Variants in CXCL13 observed in about 807,000 individuals in gnomAD.
CXCL13 encodes C-X-C motif chemokine ligand 13, also known as C-X-C motif chemokine 13.
In CXCL13, 7 loss-of-function variants were observed where a neutral mutation model predicts 12.2. That is an observed-to-expected ratio of 0.57 (90% CI 0.33 to 1.07). The LOEUF (loss-of-function observed/expected upper bound fraction) is 1.07. Ranked by LOEUF, CXCL13 falls within the 50% of genes least tolerant of loss-of-function variation. The probability of loss-of-function intolerance (pLI) is 0.04; values close to 1 mark genes in which losing one functional copy is unlikely to be tolerated. For missense variants in CXCL13, 113 were observed against 127.4 expected, an observed-to-expected ratio of 0.89 and a Z score of 0.55; for synonymous variants, 47 against 42.4, an observed-to-expected ratio of 1.11 and a Z score of -0.42.
At chr4:77,527,332 T>C (rs1016058009) in intron 1 of CXCL13, among the ~76,000 whole-genome samples, 1 of 152,208 alleles carries the variant, frequency 6.6e-6, no homozygotes, top group African/African-American at 2.4e-5. Context: ...AAAACAGTTT[T>C]GCAGTTTCTT....
At chr4:77,597,283 A>AT (rs1288480389) in intron 1 of CXCL13, among the ~76,000 whole-genome samples, 2 of 152,040 alleles carry the variant, frequency 1.3e-5, no homozygotes, top group Non-Finnish European at 2.9e-5. Context: ...TGTAAATCAT[A>AT]TTTTTTTTAA....
At chr4:77,540,328 T>C (rs111982664) in intron 1 of CXCL13, among the ~76,000 whole-genome samples, 2 of 152,136 alleles carry the variant, frequency 1.3e-5, no homozygotes, top group African/African-American at 4.8e-5. Flanking sequence ...TATGGCATGA[T>C]GTTGAGTTTT....
intron 1 of CXCL13, among the ~76,000 whole-genome samples, chr4:77,542,781 G>T (rs1262429932): frequency 6.6e-6 from 1 of 152,134 alleles, no homozygotes; most frequent in Non-Finnish European, 1.5e-5. Flanking sequence ...TTTACTTGAG[G>T]ATTTTTGCAT....
upstream of CXCL13, among the ~76,000 whole-genome samples, chr4:77,601,414 A>C (rs959148655): frequency 1.3e-5 from 2 of 152,222 alleles, no homozygotes; most frequent in African/African-American, 4.8e-5. Context: ...TAAAAAGAAA[A>C]TGATGAAAAA....
intron 1 of CXCL13, among the ~76,000 whole-genome samples, chr4:77,530,067 C>G (rs1724867691): frequency 6.6e-6 from 1 of 152,040 alleles, no homozygotes; most frequent in Admixed American, 6.6e-5. Flanking sequence ...TTTTTATATG[C>G]TGGATTACGT....
At chr4:77,561,808 C>T (rs1355420812) in intron 1 of CXCL13, among the ~76,000 whole-genome samples, 1 of 152,218 alleles carries the variant, frequency 6.6e-6, no homozygotes, top group Non-Finnish European at 1.5e-5. Flanking sequence ...GCCCTTCAGC[C>T]CACCACTGCA....
chr4:77,533,247 C>T (rs1360862168), intron 1 of CXCL13, among the ~76,000 whole-genome samples: 3 of 152,316 alleles, frequency 2.0e-5, no homozygotes, highest in South Asian at 4.1e-4. Context: ...AGTTTTCCTT[C>T]TAACAGTCAG....
intron 1 of CXCL13, among the ~76,000 whole-genome samples, chr4:77,572,534 G>T (rs1434102839): frequency 6.6e-6 from 1 of 151,818 alleles, no homozygotes; most frequent in African/African-American, 2.4e-5. Context: ...AAACCACAAT[G>T]AGATAGCATC....
intron 1 of CXCL13, among the ~76,000 whole-genome samples, chr4:77,514,702 A>C (rs1724372091): frequency 6.6e-6 from 1 of 151,960 alleles, no homozygotes; most frequent in East Asian, 1.9e-4. Flanking sequence ...GATTCTGGAT[A>C]TTAGCCCTTT....
At chr4:77,581,775 CA>C (rs1380047361) in intron 1 of CXCL13, among the ~76,000 whole-genome samples, 3 of 152,178 alleles carry the variant, frequency 2.0e-5, no homozygotes, top group Non-Finnish European at 4.4e-5. Flanking sequence ...TCTTTCTTAT[CA>C]TAAAAATTGT....
In CXCL13 at chr4:77,540,972, A is replaced by C. The variant is rs548934453; in HGVS notation, c.-43+29184A>C. Among the ~76,000 whole-genome samples, 4 of 152,224 alleles carry C rather than the reference A, an allele frequency of 2.6e-5. No individual in the cohort carries two copies. The South Asian group carries it at 8.3e-4, about 32-fold the overall frequency. On this transcript the variant is annotated intron_variant, in intron 1 of 4. Transcript: ENST00000286758. The stretch of plus-strand genomic sequence containing the variant: ...TCTGACTGGTGTGAGATGGTATCTC[A>C]ATGTGGTTTTGATTTGCATTTCTCT...
intron 1 of CXCL13, among the ~76,000 whole-genome samples, chr4:77,526,620 G>T (rs995924046): frequency 6.6e-6 from 1 of 152,124 alleles, no homozygotes; most frequent in Non-Finnish European, 1.5e-5. Context: ...TAGCCCAGGG[G>T]CCAGGGCTTC....
chr4:77,572,540 G>A (rs1270650503), intron 1 of CXCL13, among the ~76,000 whole-genome samples: 1 of 151,760 alleles, frequency 6.6e-6, no homozygotes, highest in African/African-American at 2.4e-5. Context: ...CAATGAGATA[G>A]CATCTCACAC....
intron 1 of CXCL13, among the ~76,000 whole-genome samples, chr4:77,584,134 A>T (rs1247647830): frequency 6.6e-6 from 1 of 152,146 alleles, no homozygotes; most frequent in Non-Finnish European, 1.5e-5. Flanking sequence ...TGTAGGGCCA[A>T]AGCACAGACC....
At chr4:77,607,646 C>A in intron 1 of CXCL13, 57 bp from the exon 2 acceptor site, 1 of 1,520,270 alleles carries the variant, frequency 6.6e-7, no homozygotes. Context: ...TAATTAAATT[C>A]TAGTTATGAA....
chr4:77,523,929 C>T (rs1342006935), intron 1 of CXCL13, among the ~76,000 whole-genome samples: 1 of 151,886 alleles, frequency 6.6e-6, no homozygotes, highest in Admixed American at 6.6e-5. Context: ...TGATGCTATT[C>T]CTTTCTGTTT....
intron 1 of CXCL13, among the ~76,000 whole-genome samples, chr4:77,547,482 T>G (rs554461814): frequency 6.6e-6 from 1 of 152,370 alleles, no homozygotes; most frequent in Admixed American, 6.5e-5. Context: ...TTTACCATTA[T>G]GTAATGACCT....
At position 77,583,783 on chromosome 4, in the gene CXCL13, T is replaced by C. The variant is rs181518556; in HGVS notation, c.-42-22041T>C. On this transcript the variant is annotated intron_variant, in intron 1 of 4. Transcript: ENST00000286758. ...CATCAAGGTCCTTTCTAGGCCGTTA[T>C]AAGTGGCACCTGTTAGCAATGAAGG... Among the ~76,000 whole-genome samples the C allele has an allele frequency of 5.3e-4, 81 of 152,320 alleles. 1 individual carries two copies. In the East Asian group the frequency reaches 0.015, roughly 28 times the overall value.
intron 2 of CXCL13, among the ~76,000 whole-genome samples, chr4:77,609,861 T>A (rs1727103141): frequency 6.6e-6 from 1 of 152,250 alleles, no homozygotes; most frequent in Non-Finnish European, 1.5e-5. Flanking sequence ...ATCATGTATT[T>A]GTTGTGCAAT....
Sources: allele counts gnomAD v4.1 joint callset (sites outside exome capture counted in the v4.1 genomes callset), GRCh38; gene constraint gnomAD v4.1.1; transcripts MANE v1.5; gene names NCBI Gene and HGNC (gene_info 2026-07-23, HGNC 2026-07-21).